MYSM1: variants seen among roughly 807,000 people sequenced by gnomAD.
The protein encoded by MYSM1 is deubiquitinase MYSM1.
A neutral mutation model predicts 116.0 loss-of-function variants in MYSM1; 51 were observed. That is an observed-to-expected ratio of 0.44 (90% CI 0.35 to 0.56). MYSM1 has a LOEUF of 0.56. Among genes scored for constraint, MYSM1 ranks in the 20% least tolerant of loss-of-function variants. MYSM1 has a pLI of 0.00. For synonymous variants in MYSM1, 313 were observed against 315.2 expected (o/e 0.99, Z 0.07); for missense variants, 900 against 974.9 (o/e 0.92, Z 1.02).
intron 14 of MYSM1, chr1:58,668,375 T>C (rs1259998753): frequency 8.9e-7 from 1 of 1,129,784 alleles, no homozygotes; most frequent in Non-Finnish European, 1.1e-6. Flanking sequence ...GGCAGACACA[T>C]ATATTAGAAA....
rs1486817076 is a variant in MYSM1 at position 58,655,163 on chromosome 1, CTATT to C, written c.*4830_*4833del. 7.9e-5 allele frequency: 12 copies of C among 152,120 alleles called. No homozygotes were observed. The highest frequency in any genetic ancestry group is 4.4e-5 in the Non-Finnish European group (3 of 68,002). 9.4% of individuals were successfully genotyped at this position (152,120 alleles called of 1,614,324 possible). A position where few individuals can be genotyped will look rare whatever the true frequency, so the allele number is the denominator to read the frequency against. On this transcript the variant is annotated 3_prime_UTR_variant, in exon 20 of 20. Transcript: ENST00000472487. ...CAAATCTAAAAGATATATGACTAAT[CTATT>C]TAACTCACGCTAGAATCTAAATACT...
chr1:58,662,475 C>G (rs192676014), intron 17 of MYSM1, among the ~76,000 whole-genome samples: 7 of 100,826 alleles, frequency 6.9e-5, no homozygotes, highest in African/African-American at 1.9e-4. Context: ...TTTTTTTTTT[C>G]GATGAGGACA....
chr1:58,694,250 C>G (rs1644941619), intron 2 of MYSM1, among the ~76,000 whole-genome samples: 1 of 152,210 alleles, frequency 6.6e-6, no homozygotes, highest in Admixed American at 6.5e-5. Flanking sequence ...TTCTTGAGAG[C>G]AGGAACACGT....
intron 1 of MYSM1, 117 bp from the exon 2 acceptor site, chr1:58,695,324 T>TACTACCTGCTGGATTCTGTG: frequency 3.4e-6 from 2 of 586,202 alleles, no homozygotes; most frequent in Non-Finnish European, 6.1e-6. Flanking sequence ...TTAGTTCCCT[T>TACTACCTGCTGGATTCTGTG]CTCCCCTTAA....
chr1:58,699,966 C>G lies in MYSM1; in HGVS notation c.68+19G>C. 6.2e-7 allele frequency: 1 copy of G among 1,613,472 alleles called. No individual in the cohort carries two copies. The highest frequency in any genetic ancestry group is 1.1e-5 in the South Asian group (1 of 91,086). ...CACTCCCCTCTCCGCCCCAGAGAGA[C>G]CCGGTCTCTAAGCCTCACCCTGGCT... On this transcript the variant is annotated intron_variant, in intron 1 of 19. Coordinates refer to ENST00000472487, the MANE Select transcript of MYSM1 (RefSeq NM_001085487.3).
At chr1:58,673,705 T>C in intron 10 of MYSM1, 55 bp from the exon 11 acceptor site, 2 of 1,406,620 alleles carry the variant, frequency 1.4e-6, no homozygotes, top group South Asian at 2.3e-5. Context: ...GGAGAAATCA[T>C]AGCACATTAA....
rs139335376 is a variant in MYSM1 at position 58,687,342 on chromosome 1, G to A, written c.399+1696C>T. Among the ~76,000 whole-genome samples, 1,174 of 152,258 alleles carry A rather than the reference G, an allele frequency of 7.7e-3. 3 individuals carry two copies. Among genetic ancestry groups the A allele is most frequent in the South Asian group, 0.019 (94 of 4,828 alleles). On this transcript the variant is annotated intron_variant, in intron 6 of 19. Coordinates refer to ENST00000472487, the MANE Select transcript of MYSM1 (RefSeq NM_001085487.3). ...AAAGAAGACACTGGTTACCCCGGGC[G>A]AAGCGAACTGAAGGCTAAGATGAGA...
At chr1:58,669,346 A>T (rs1011708487) in intron 12 of MYSM1, among the ~76,000 whole-genome samples, 1 of 152,340 alleles carries the variant, frequency 6.6e-6, no homozygotes, top group African/African-American at 2.4e-5. Flanking sequence ...AAAAAGTCCA[A>T]TGAAAATATA....
chr1:58,674,696 C>T (rs371057555), intron 10 of MYSM1, among the ~76,000 whole-genome samples: 58 of 152,078 alleles, frequency 3.8e-4, no homozygotes, highest in African/African-American at 1.1e-3. Flanking sequence ...GAGGCCAAGG[C>T]GGGCGGATCA....
At chr1:58,691,835 C>G (rs2746079) in intron 3 of MYSM1, among the ~76,000 whole-genome samples, 6,529 of 152,154 alleles carry the variant, frequency 0.043, 458 homozygotes, top group African/African-American at 0.15. Flanking sequence ...CCATTGCACT[C>G]CAGCCTGGGT....
At chr1:58,670,050 T>C (rs903351035) in intron 12 of MYSM1, among the ~76,000 whole-genome samples, 1 of 152,086 alleles carries the variant, frequency 6.6e-6, no homozygotes. Context: ...TTAACACAAC[T>C]GGAAGAGAGC....
intron 11 of MYSM1, among the ~76,000 whole-genome samples, chr1:58,673,050 T>A (rs1326869453): frequency 6.6e-6 from 1 of 152,162 alleles, no homozygotes; most frequent in Non-Finnish European, 1.5e-5. Context: ...AACAATACTT[T>A]GAGGGAGGTA....
At chr1:58,671,542 C>T (rs2100615878) in intron 12 of MYSM1, among the ~76,000 whole-genome samples, 1 of 152,200 alleles carries the variant, frequency 6.6e-6, no homozygotes, top group South Asian at 2.1e-4. Flanking sequence ...CAACAACTTG[C>T]TAACAATTAG....
At chr1:58,692,658 A>T (rs893500385) in intron 3 of MYSM1, 3 of 420,950 alleles carry the variant, frequency 7.1e-6, no homozygotes, top group Non-Finnish European at 1.3e-5. Context: ...CAAAATATGC[A>T]ATCAGATCTC....
intron 10 of MYSM1, among the ~76,000 whole-genome samples, chr1:58,674,845 T>G (rs1165636734): frequency 6.7e-6 from 1 of 149,184 alleles, no homozygotes; most frequent in Non-Finnish European, 1.5e-5. Context: ...GAGAATGGTG[T>G]GAACCCGGGA....
chr1:58,684,264 G>A (rs1644792067), intron 7 of MYSM1, among the ~76,000 whole-genome samples: 1 of 152,060 alleles, frequency 6.6e-6, no homozygotes, highest in Non-Finnish European at 1.5e-5. Context: ...GCTTCAAAGA[G>A]GATATATTAA....
intron 1 of MYSM1, among the ~76,000 whole-genome samples, chr1:58,698,410 T>C (rs570033480): frequency 1.3e-5 from 2 of 151,940 alleles, no homozygotes; most frequent in South Asian, 4.1e-4. Flanking sequence ...CAGAATATAA[T>C]ATTAATGATA....
chr1:58,674,861 A>G (rs1234368531), intron 10 of MYSM1, among the ~76,000 whole-genome samples: 1 of 149,788 alleles, frequency 6.7e-6, no homozygotes, highest in African/African-American at 2.5e-5. Flanking sequence ...CGGGAGATGG[A>G]GCTTGCAGTG....
chr1:58,693,543 A>T (rs545235058), intron 2 of MYSM1, among the ~76,000 whole-genome samples: 2 of 152,338 alleles, frequency 1.3e-5, no homozygotes, highest in East Asian at 3.9e-4. Flanking sequence ...TTACTCACTA[A>T]GTTATTCCAT....
Sources: gnomAD v4.1 joint callset for allele counts (sites outside exome capture counted in the v4.1 genomes callset) on GRCh38, gnomAD v4.1.1 for gene constraint, MANE v1.5 for transcripts, NCBI Gene and HGNC (gene_info 2026-07-23, HGNC 2026-07-21) for gene names.